Variants in MEGF11 observed in about 807,000 individuals in gnomAD.
MEGF11 encodes multiple EGF like domains 11.
In MEGF11, 126 loss-of-function variants were observed where a neutral mutation model predicts 146.6. The observed-to-expected ratio is 0.86, with a 90% CI of 0.74 to 1.00. The LOEUF is 1.00. Ranked by LOEUF, MEGF11 falls within the 50% of genes least tolerant of loss-of-function variation. The pLI is 0.00. For missense variants in MEGF11, 1,509 were observed against 1,521.2 expected (o/e 0.99, Z 0.13); for synonymous variants, 532 against 583.4 (o/e 0.91, Z 1.27).
Position 65,957,645 on chromosome 15 carries a change from C to G in MEGF11, c.1189G>C (p.Gly397Arg). Residue 397 changes from glycine to arginine, a missense_variant, in exon 10 of 26, where the codon GGC (glycine) becomes CGC (arginine). Gly to Arg is a moderately radical substitution (Grantham distance 125, BLOSUM62 -2). Transcript: ENST00000395614. Reference sequence around the variant, plus strand: ...AGCTGGCAGCCATCGCCATAGTAGCCAACAGGGCAGGATTCATTGCAGTGG... The same window carrying G: ...AGCTGGCAGCCATCGCCATAGTAGCGAACAGGGCAGGATTCATTGCAGTGG... ...GHHCNESCPV[G>R]YYGDGCQLPC... 6.2e-7 allele frequency: 1 copy of G among 1,613,976 alleles called. No individual in the cohort carries two copies. The highest frequency in any genetic ancestry group is 8.5e-7 in the Non-Finnish European group (1 of 1,179,886).
intron 4 of MEGF11, among the ~76,000 whole-genome samples, chr15:66,099,615 C>T (rs924407106): frequency 6.6e-6 from 1 of 152,178 alleles, no homozygotes; most frequent in Non-Finnish European, 1.5e-5. Flanking sequence ...TCCTGTTTCC[C>T]CTTCTGTAGA....
At chr15:66,118,953 G>C in intron 4 of MEGF11, 133 bp downstream of exon 4, 2 of 627,040 alleles carry the variant, frequency 3.2e-6, no homozygotes, top group Non-Finnish European at 2.8e-6. Flanking sequence ...AGCAGGCAGG[G>C]ACTTCTGGAG....
intron 5 of MEGF11, among the ~76,000 whole-genome samples, chr15:66,019,854 G>C (rs887249455): frequency 2.6e-5 from 4 of 152,184 alleles, no homozygotes; most frequent in Non-Finnish European, 4.4e-5. Flanking sequence ...GGGTTACCTA[G>C]GAGCTTTTAT....
At chr15:65,904,618 G>A (rs2078575144) in intron 24 of MEGF11, among the ~76,000 whole-genome samples, 1 of 152,186 alleles carries the variant, frequency 6.6e-6, no homozygotes, top group South Asian at 2.1e-4. Flanking sequence ...GGGAATGGTT[G>A]TGTCTTGGTG....
At chr15:66,006,278 C>CT (rs1290159911) in intron 5 of MEGF11, among the ~76,000 whole-genome samples, 2 of 152,194 alleles carry the variant, frequency 1.3e-5, no homozygotes, top group Non-Finnish European at 2.9e-5. Context: ...AAGAATGGGA[C>CT]TCAGTCCCTG....
chr15:66,142,347 C>A (rs908769345), intron 1 of MEGF11, among the ~76,000 whole-genome samples: 6 of 152,250 alleles, frequency 3.9e-5, no homozygotes, highest in African/African-American at 7.2e-5. Context: ...GTGGCAACAT[C>A]TTTGCATCAA....
intron 5 of MEGF11, among the ~76,000 whole-genome samples, chr15:66,037,186 C>T (rs931373232): frequency 2.0e-5 from 3 of 152,152 alleles, no homozygotes; most frequent in Non-Finnish European, 4.4e-5. Context: ...AGCATCCAGC[C>T]CTCCCATTAC....
At chr15:66,000,289 G>A (rs2082325599) in intron 5 of MEGF11, among the ~76,000 whole-genome samples, 1 of 152,212 alleles carries the variant, frequency 6.6e-6, no homozygotes, top group Non-Finnish European at 1.5e-5. Flanking sequence ...ACCACTTTGG[G>A]AGGCTGAGAC....
rs78794722 is a variant in MEGF11, at chr15:66,016,361, A to C, written c.395-33873T>G. Among the ~76,000 whole-genome samples the C allele has an allele frequency of 1.2e-3, 182 of 146,340 alleles. 1 individual carries two copies. The highest frequency in any genetic ancestry group is 4.1e-3 in the African/African-American group (170 of 41,104). On this transcript the variant is annotated intron_variant, in intron 5 of 25. Coordinates refer to ENST00000395614, the MANE Select transcript of MEGF11 (RefSeq NM_001385028.1). ...GAGAGCAGCAGCCTGCCTCATTTAC[A>C]TGGTTCAATGAATTTTATGTGAGAT... is the stretch of plus-strand genomic sequence containing the variant.
Position 65,956,658 on chromosome 15 carries a change from A to G in MEGF11, c.1287+889T>C, listed in dbSNP as rs571824775. Among the ~76,000 whole-genome samples the G allele has an allele frequency of 9.2e-5, 14 of 152,356 alleles. No individual in the cohort carries two copies. In the East Asian group the frequency reaches 2.7e-3, roughly 29 times the overall value. ...GTTTGGCTCCTTGAGCCTGCTGGGC[A>G]TGCCCTGCCTTTGAACAGGATTCCA... is the stretch of plus-strand genomic sequence containing the variant. On this transcript the variant is annotated intron_variant, in intron 10 of 25. Transcript: ENST00000395614.
chr15:66,141,168 A>C (rs1282690723), intron 1 of MEGF11, among the ~76,000 whole-genome samples: 1 of 151,942 alleles, frequency 6.6e-6, no homozygotes, highest in African/African-American at 2.4e-5. Flanking sequence ...ACCTAGACAC[A>C]AATTCAGGAC....
intron 1 of MEGF11, among the ~76,000 whole-genome samples, chr15:66,152,302 T>C (rs1304713181): frequency 4.0e-5 from 6 of 151,318 alleles, no homozygotes; most frequent in Admixed American, 3.3e-4. Flanking sequence ...AGAAAGAGGG[T>C]CCCTGGTTTT....
chr15:65,911,501 T>A (rs1287960297), intron 21 of MEGF11, among the ~76,000 whole-genome samples: 1 of 152,170 alleles, frequency 6.6e-6, no homozygotes, highest in South Asian at 2.1e-4. Flanking sequence ...AGCCTCCACC[T>A]CCTGGGTTCA....
intron 1 of MEGF11, among the ~76,000 whole-genome samples, chr15:66,203,477 G>T (rs932791626): frequency 6.6e-6 from 1 of 152,188 alleles, no homozygotes; most frequent in Non-Finnish European, 1.5e-5. Context: ...AGTCTAAGTT[G>T]TCCTAAATCT....
At chr15:66,167,914 G>A (rs1332345819) in intron 1 of MEGF11, among the ~76,000 whole-genome samples, 1 of 152,172 alleles carries the variant, frequency 6.6e-6, no homozygotes, top group East Asian at 1.9e-4. Flanking sequence ...CTGGCCTCAG[G>A]GGATGTAGCC....
chr15:66,044,756 G>A (rs569736533), intron 5 of MEGF11, among the ~76,000 whole-genome samples: 1 of 150,996 alleles, frequency 6.6e-6, no homozygotes, highest in East Asian at 2.0e-4. Context: ...GAGAGGCTGA[G>A]GCGGGAGAAT....
intron 12 of MEGF11, among the ~76,000 whole-genome samples, 190 bp downstream of exon 12, chr15:65,929,530 C>T (rs537131407): frequency 6.6e-5 from 10 of 152,250 alleles, no homozygotes; most frequent in African/African-American, 1.4e-4. Context: ...ATTTTATAGA[C>T]GAGGGGGATG....
At chr15:66,200,794 G>A (rs945686516) in intron 1 of MEGF11, among the ~76,000 whole-genome samples, 2 of 152,182 alleles carry the variant, frequency 1.3e-5, no homozygotes, top group African/African-American at 2.4e-5. Flanking sequence ...GGCCGGGTAT[G>A]AGCAAGCTCA....
intron 1 of MEGF11, among the ~76,000 whole-genome samples, chr15:66,208,449 CA>C (rs1567284310): frequency 6.6e-6 from 1 of 151,742 alleles, no homozygotes; most frequent in African/African-American, 2.4e-5. Flanking sequence ...AAACAGAAAA[CA>C]AAAATAAAAT....
Sources: gnomAD v4.1 joint callset for allele counts (sites outside exome capture counted in the v4.1 genomes callset) on GRCh38, gnomAD v4.1.1 for gene constraint, MANE v1.5 for transcripts, NCBI Gene and HGNC (gene_info 2026-07-23, HGNC 2026-07-21) for gene names.